ADGRL2: variants seen among roughly 807,000 people sequenced by gnomAD.
ADGRL2 encodes calcium-independent alpha-latrotoxin receptor 2.
ADGRL2 carries 44 observed loss-of-function variants against 157.4 expected under a neutral mutation model. The ratio of observed to expected loss-of-function variants is 0.28; its 90% CI spans 0.22 to 0.36. The LOEUF is 0.36. Among genes scored for constraint, ADGRL2 ranks in the 10% least tolerant of loss-of-function variants. ADGRL2 has a pLI of 1.00. For missense variants in ADGRL2, 1,510 were observed against 1,768.9 expected (o/e 0.85, Z 2.63); for synonymous variants, 585 against 624.7 (o/e 0.94, Z 0.95).
chr1:81,429,954 C>A (rs566088815), intron 1 of ADGRL2, among the ~76,000 whole-genome samples: 1 of 152,128 alleles, frequency 6.6e-6, no homozygotes, highest in African/African-American at 2.4e-5. Flanking sequence ...AGGGCAATGG[C>A]GCGATCTTGG....
intron 1 of ADGRL2, among the ~76,000 whole-genome samples, chr1:81,756,733 A>G (rs1418499782): frequency 6.6e-6 from 1 of 152,142 alleles, no homozygotes; most frequent in Non-Finnish European, 1.5e-5. Context: ...ATAGGCCAGC[A>G]ATATGTCTTT....
chr1:81,747,697 ATGTTTGTG>A (rs766763633), intron 1 of ADGRL2, among the ~76,000 whole-genome samples: 22 of 99,972 alleles, frequency 2.2e-4, no homozygotes, highest in African/African-American at 8.3e-4. Context: ...TTTTCCTTTA[ATGTTTGTG>A]TGTGTGTGTG....
chr1:81,887,858 T>C (rs2094163227), intron 2 of ADGRL2, among the ~76,000 whole-genome samples: 1 of 152,218 alleles, frequency 6.6e-6, no homozygotes, highest in African/African-American at 2.4e-5. Flanking sequence ...ATCAAACAAA[T>C]GATTAGTTCT....
At chr1:81,782,270 CCTT>C (rs752560988) in intron 2 of ADGRL2, among the ~76,000 whole-genome samples, 92 of 152,220 alleles carry the variant, frequency 6.0e-4, no homozygotes, top group Non-Finnish European at 1.2e-3. Context: ...TACCCTGTTT[CCTT>C]CTTCTTATTG....
intron 1 of ADGRL2, among the ~76,000 whole-genome samples, chr1:81,806,765 G>A (rs967001382): frequency 2.6e-5 from 4 of 151,824 alleles, no homozygotes; most frequent in African/African-American, 7.2e-5. Flanking sequence ...AATCCATACC[G>A]CTTGCCCAAT....
intron 2 of ADGRL2, among the ~76,000 whole-genome samples, chr1:81,570,551 G>C (rs1334275510): frequency 3.3e-5 from 5 of 152,000 alleles, no homozygotes; most frequent in Non-Finnish European, 7.4e-5. Context: ...ACCACACCAG[G>C]CTAATTTTTG....
At chr1:81,715,720 G>A (rs1298193507) in intron 1 of ADGRL2, among the ~76,000 whole-genome samples, 1 of 152,136 alleles carries the variant, frequency 6.6e-6, no homozygotes, top group African/African-American at 2.4e-5. Context: ...GCCAAGTGCT[G>A]AGGGGGAAAT....
chr1:81,953,940 G>T (rs534668496), intron 10 of ADGRL2, among the ~76,000 whole-genome samples: 1 of 152,188 alleles, frequency 6.6e-6, no homozygotes, highest in East Asian at 1.9e-4. Flanking sequence ...GGTTGGCAAG[G>T]TCTAGGAAAA....
intron 1 of ADGRL2, among the ~76,000 whole-genome samples, chr1:81,367,236 A>G (rs564786489): frequency 1.3e-5 from 2 of 152,278 alleles, no homozygotes; most frequent in East Asian, 3.9e-4. Flanking sequence ...TTTAAGTTCC[A>G]GAGTACATAT....
intron 2 of ADGRL2, among the ~76,000 whole-genome samples, chr1:81,572,230 C>T (rs916415865): frequency 5.3e-5 from 8 of 152,142 alleles, no homozygotes; most frequent in Non-Finnish European, 1.2e-4. Context: ...ACTTTGAGGC[C>T]AAGCATTATA....
intron 2 of ADGRL2, among the ~76,000 whole-genome samples, chr1:81,561,416 TTTTTGTTTTG>T (rs148217925): frequency 6.6e-6 from 1 of 150,536 alleles, no homozygotes; most frequent in Non-Finnish European, 1.5e-5. Context: ...TTCTTTCAAT[TTTTTGTTTTG>T]TTTTGTTTTG....
chr1:81,709,032 T>G (rs2149068114), intron 1 of ADGRL2, among the ~76,000 whole-genome samples: 1 of 152,262 alleles, frequency 6.6e-6, no homozygotes, highest in South Asian at 2.1e-4. Flanking sequence ...ATTTTCTTCC[T>G]AGGTTACTAT....
intron 2 of ADGRL2, among the ~76,000 whole-genome samples, chr1:81,469,579 G>T (rs148856457): frequency 4.0e-4 from 61 of 152,102 alleles, no homozygotes; most frequent in Non-Finnish European, 7.6e-4. Context: ...CCCAGTTTAA[G>T]CATGAAAAAG....
At chr1:81,706,222 C>A (rs570263033) in intron 1 of ADGRL2, among the ~76,000 whole-genome samples, 4 of 132,252 alleles carry the variant, frequency 3.0e-5, no homozygotes. Flanking sequence ...AAAATAAAAA[C>A]AAAAAAATAA....
intron 2 of ADGRL2, among the ~76,000 whole-genome samples, chr1:81,860,519 A>G (rs2093355781): frequency 1.3e-5 from 2 of 152,040 alleles, no homozygotes; most frequent in South Asian, 4.1e-4. Context: ...AATATGCACT[A>G]TCACTAGCAA....
At chr1:81,470,419 C>T (rs2078147227) in intron 2 of ADGRL2, among the ~76,000 whole-genome samples, 1 of 152,118 alleles carries the variant, frequency 6.6e-6, no homozygotes, top group Non-Finnish European at 1.5e-5. Flanking sequence ...CCAACTGCTC[C>T]CTGTACCCAG....
intron 2 of ADGRL2, among the ~76,000 whole-genome samples, chr1:81,790,798 C>T (rs1389118929): frequency 6.6e-6 from 1 of 152,132 alleles, no homozygotes; most frequent in Non-Finnish European, 1.5e-5. Flanking sequence ...GCATACCATT[C>T]TGAATAGTAT....
chr1:81,310,026 T>C (rs1341660902), intron 1 of ADGRL2, among the ~76,000 whole-genome samples: 3 of 152,188 alleles, frequency 2.0e-5, no homozygotes, highest in African/African-American at 7.2e-5. Context: ...CTTCAAAATA[T>C]TCTGGGTAGT....
intron 22 of ADGRL2, 66 bp downstream of exon 22, chr1:81,987,095 G>A: frequency 6.5e-7 from 1 of 1,541,106 alleles, no homozygotes; most frequent in South Asian, 1.2e-5. Context: ...TCTTTGCCCT[G>A]TTTCTAAAAT....
Sources: gnomAD v4.1 joint callset for allele counts (sites outside exome capture counted in the v4.1 genomes callset) on GRCh38, gnomAD v4.1.1 for gene constraint, MANE v1.5 for transcripts, NCBI Gene and HGNC (gene_info 2026-07-23, HGNC 2026-07-21) for gene names.